The following NRXN3 variants were observed in gnomAD, a reference collection of about 807,000 sequenced individuals.
The protein encoded by NRXN3 is neurexin III.
NRXN3 carries 32 observed loss-of-function variants against 137.6 expected under a neutral mutation model. That is an observed-to-expected ratio of 0.23 (90% CI 0.18 to 0.31). The LOEUF (loss-of-function observed/expected upper bound fraction) is 0.31, where lower values mean the gene tolerates loss of function less well. NRXN3 is among the 10% of genes least tolerant of loss of function. The probability of loss-of-function intolerance (pLI) is 1.00; values close to 1 mark genes in which losing one functional copy is unlikely to be tolerated. For missense variants in NRXN3, 1,574 were observed against 2,062.5 expected (o/e 0.76, Z 4.59); for synonymous variants, 798 against 784.5 (o/e 1.02, Z -0.29).
chr14:79,081,027 C>G (rs1296146221), intron 15 of NRXN3, among the ~76,000 whole-genome samples: 1 of 152,146 alleles, frequency 6.6e-6, no homozygotes, highest in Non-Finnish European at 1.5e-5. Flanking sequence ...TAAGCAAAAG[C>G]ATAACCAGCA....
chr14:78,881,204 T>C (rs1411735468), intron 10 of NRXN3, among the ~76,000 whole-genome samples: 1 of 151,690 alleles, frequency 6.6e-6, no homozygotes, highest in Non-Finnish European at 1.5e-5. Context: ...TACCCAGTCC[T>C]GGGTATTTCT....
intron 19 of NRXN3, among the ~76,000 whole-genome samples, chr14:79,706,419 C>CTTTTTTTT (rs919138966): frequency 3.4e-4 from 39 of 115,950 alleles, no homozygotes; most frequent in East Asian, 1.5e-3. Context: ...GGCTTTTTTA[C>CTTTTTTTT]TTTTTTTTTT....
chr14:79,071,159 G>A (rs1042101252), intron 15 of NRXN3, among the ~76,000 whole-genome samples: 1 of 152,048 alleles, frequency 6.6e-6, no homozygotes, highest in Non-Finnish European at 1.5e-5. Context: ...TCTCGGTTGT[G>A]CTATTCAGTG....
rs1317786649 is a variant in NRXN3 at position 79,866,555 on chromosome 14, C to T, written c.*4591C>T. On this transcript the variant is annotated 3_prime_UTR_variant, in exon 21 of 21. Coordinates refer to ENST00000335750, the MANE Select transcript of NRXN3 (RefSeq NM_001330195.2). Reference sequence around the variant, plus strand: ...CATAATTTGGATTGATGACAGACTGCAAAAAGTACATTGGAGGAAGATATG... The same window carrying T: ...CATAATTTGGATTGATGACAGACTGTAAAAAGTACATTGGAGGAAGATATG... 6.6e-6 allele frequency: 1 copy of T among 151,986 alleles called. No individual in the cohort carries two copies. Among genetic ancestry groups the T allele is most frequent in the Non-Finnish European group, 1.5e-5 (1 of 68,014 alleles). 9.4% of individuals were successfully genotyped at this position (151,986 alleles called of 1,614,324 possible). A position where few individuals can be genotyped will look rare whatever the true frequency, so the allele number is the denominator to read the frequency against.
In NRXN3 at chr14:79,684,914, C is replaced by T. The variant is rs540896152; in HGVS notation, c.3617-7259C>T. On this transcript the variant is annotated intron_variant, in intron 17 of 20. Coordinates refer to ENST00000335750, the MANE Select transcript of NRXN3 (RefSeq NM_001330195.2). ...CACAGAGGGTGGACACGTGGGAAGGCCTGGATCACAGGGGAAAGAGTGAGC... is the reference window on the plus strand; with the variant it reads ...CACAGAGGGTGGACACGTGGGAAGGTCTGGATCACAGGGGAAAGAGTGAGC... Among the ~76,000 whole-genome samples, 10 of 152,082 alleles carry T rather than the reference C, an allele frequency of 6.6e-5. No individual in the cohort carries two copies. In the East Asian group the frequency reaches 1.6e-3, roughly 24 times the overall value.
chr14:78,759,080 A>C (rs536451355), intron 8 of NRXN3, among the ~76,000 whole-genome samples: 1 of 152,304 alleles, frequency 6.6e-6, no homozygotes, highest in African/African-American at 2.4e-5. Flanking sequence ...CTTCACCCAC[A>C]CCACAAATGT....
intron 15 of NRXN3, among the ~76,000 whole-genome samples, chr14:79,267,289 T>C (rs2078585960): frequency 6.6e-6 from 1 of 152,216 alleles, no homozygotes; most frequent in African/African-American, 2.4e-5. Context: ...ATAGAATTAT[T>C]TTCTAAACAC....
chr14:79,068,220 C>A (rs2099683215), intron 15 of NRXN3, among the ~76,000 whole-genome samples: 2 of 152,010 alleles, frequency 1.3e-5, no homozygotes, highest in Non-Finnish European at 2.9e-5. Flanking sequence ...ATGGAGTATA[C>A]ATTTTATTTA....
At chr14:79,732,328 C>A (rs12434821) in intron 19 of NRXN3, among the ~76,000 whole-genome samples, 1 of 151,804 alleles carries the variant, frequency 6.6e-6, no homozygotes, top group Non-Finnish European at 1.5e-5. Context: ...AAGTTTGATA[C>A]GGTAACTTAG....
intron 19 of NRXN3, among the ~76,000 whole-genome samples, chr14:79,791,702 G>A (rs1281621121): frequency 1.3e-5 from 2 of 151,866 alleles, no homozygotes; most frequent in African/African-American, 4.8e-5. Flanking sequence ...CATGTCCCGT[G>A]CAAACCCAAG....
intron 6 of NRXN3, among the ~76,000 whole-genome samples, chr14:78,692,058 A>G (rs2098176257): frequency 6.6e-6 from 1 of 152,188 alleles, no homozygotes; most frequent in South Asian, 2.1e-4. Context: ...CTAATATTAT[A>G]TACTAATATT....
chr14:79,287,879 A>G (rs551148298), intron 15 of NRXN3, among the ~76,000 whole-genome samples: 4 of 152,168 alleles, frequency 2.6e-5, no homozygotes, highest in Non-Finnish European at 5.9e-5. Flanking sequence ...TCTGCATGGC[A>G]TGTAGTATGA....
intron 15 of NRXN3, among the ~76,000 whole-genome samples, chr14:79,059,412 C>G (rs547584718): frequency 5.9e-4 from 90 of 152,140 alleles, no homozygotes; most frequent in Middle Eastern, 3.4e-3. Flanking sequence ...CGCCCGCCAC[C>G]ACACCCAGCT....
chr14:79,107,927 C>G (rs1164585090), intron 15 of NRXN3, among the ~76,000 whole-genome samples: 3 of 151,970 alleles, frequency 2.0e-5, no homozygotes, highest in African/African-American at 7.3e-5. Context: ...TTAGTCAGGA[C>G]CAATATAAAT....
chr14:78,429,477 CTT>C (rs1235518008), intron 4 of NRXN3, among the ~76,000 whole-genome samples: 2 of 152,190 alleles, frequency 1.3e-5, no homozygotes, highest in African/African-American at 2.4e-5. Flanking sequence ...GTTGCCAAAA[CTT>C]ATTAATCAAT....
chr14:79,600,009 A>G (rs879563205), intron 16 of NRXN3, among the ~76,000 whole-genome samples: 5 of 152,240 alleles, frequency 3.3e-5, no homozygotes, highest in East Asian at 3.8e-4. Flanking sequence ...AATTAAATAA[A>G]TAAGTAAATA....
chr14:78,803,939 CTT>C lies in NRXN3; in HGVS notation c.2248+117_2248+118del, dbSNP rs1208976361. On this transcript the variant is annotated intron_variant, in intron 9 of 20. Transcript: ENST00000335750. ...TTTCTTGAAAGTTAGCTGCTCACCT[CTT>C]GTTTAACAGACCCAGGATAAAACCC... is the stretch of plus-strand genomic sequence containing the variant. The C allele has an allele frequency of 9.3e-6, 9 of 964,456 alleles. No individual in the cohort carries two copies. The African/African-American group carries it at 1.3e-4, about 14-fold the overall frequency. The allele number at this position is 964,456 out of a possible 1,614,324, so 59.7% of individuals were successfully genotyped here.
chr14:79,275,803 G>T (rs2080201828), intron 15 of NRXN3, among the ~76,000 whole-genome samples: 1 of 151,958 alleles, frequency 6.6e-6, no homozygotes, highest in Non-Finnish European at 1.5e-5. Flanking sequence ...AGTAATATAG[G>T]GGTTTTTTAA....
At chr14:79,796,626 C>T (rs1253645105) in intron 19 of NRXN3, among the ~76,000 whole-genome samples, 1 of 152,122 alleles carries the variant, frequency 6.6e-6, no homozygotes, top group African/African-American at 2.4e-5. Context: ...CAAAATTTGG[C>T]CAAGCTTAGC....
Sources: allele counts gnomAD v4.1 joint callset (sites outside exome capture counted in the v4.1 genomes callset), GRCh38; gene constraint gnomAD v4.1.1; transcripts MANE v1.5; gene names NCBI Gene and HGNC (gene_info 2026-07-23, HGNC 2026-07-21).